COL4A3: variants seen among roughly 807,000 people sequenced by gnomAD.
COL4A3 encodes collagen type IV alpha 3 chain, also known as collagen alpha-3(IV) chain.
A neutral mutation model predicts 217.4 loss-of-function variants in COL4A3; 135 were observed. That is an observed-to-expected ratio of 0.62 (90% CI 0.54 to 0.72). The LOEUF is 0.72. Among genes scored for constraint, COL4A3 ranks in the 30% least tolerant of loss-of-function variants. The pLI, the probability that COL4A3 is intolerant of heterozygous loss-of-function variation, is 0.00. For missense variants in COL4A3, 1,868 were observed against 2,119.9 expected, an observed-to-expected ratio of 0.88 and a Z score of 2.33; for synonymous variants, 690 against 736.3, an observed-to-expected ratio of 0.94 and a Z score of 1.02.
chr2:227,196,387 G>A (rs1178293330), intron 1 of COL4A3, among the ~76,000 whole-genome samples: 2 of 150,878 alleles, frequency 1.3e-5, no homozygotes, highest in Non-Finnish European at 3.0e-5. Flanking sequence ...GTATGATCTC[G>A]GCTCACTGCA....
At chr2:227,206,795 G>A (rs1201078763) in intron 1 of COL4A3, among the ~76,000 whole-genome samples, 3 of 152,186 alleles carry the variant, frequency 2.0e-5, no homozygotes, top group African/African-American at 7.2e-5. Context: ...ACACTCGTAT[G>A]CAGGTTTACA....
chr2:227,235,795 T>TTTTTTAGC (rs1559852634), intron 1 of COL4A3, among the ~76,000 whole-genome samples: 1 of 138,002 alleles, frequency 7.2e-6, no homozygotes, highest in Non-Finnish European at 1.5e-5. Flanking sequence ...TTTTTTTTAA[T>TTTTTTAGC]GGAGTTTTGC....
chr2:227,245,722 C>T (rs932221728), intron 5 of COL4A3: 7 of 578,886 alleles, frequency 1.2e-5, no homozygotes, highest in South Asian at 6.1e-5. Context: ...GGATAAAAGG[C>T]GTTTGCTTTA....
chr2:227,199,852 A>G (rs948350030), intron 1 of COL4A3, among the ~76,000 whole-genome samples: 2 of 152,196 alleles, frequency 1.3e-5, no homozygotes, highest in African/African-American at 4.8e-5. Context: ...ACAAACAAAA[A>G]ACTAGTCCGA....
At chr2:227,310,451 G>A (rs1000968038) in intron 50 of COL4A3, among the ~76,000 whole-genome samples, 1 of 152,146 alleles carries the variant, frequency 6.6e-6, no homozygotes, top group Non-Finnish European at 1.5e-5. Flanking sequence ...TGAGTAGCTT[G>A]GACTACAGGC....
chr2:227,212,514 G>T (rs996563353), intron 1 of COL4A3, among the ~76,000 whole-genome samples: 6 of 152,128 alleles, frequency 3.9e-5, no homozygotes, highest in Non-Finnish European at 8.8e-5. Flanking sequence ...CTCTTTATCT[G>T]TCCTTTCCCC....
At chr2:227,311,064 C>CA in intron 51 of COL4A3, 116 bp downstream of exon 51, 3 of 1,047,056 alleles carry the variant, frequency 2.9e-6, no homozygotes, top group South Asian at 2.6e-5. Context: ...CCAATAAAGA[C>CA]AAAATATGGG....
At position 227,304,011 on chromosome 2, in the gene COL4A3, G is replaced by A. The variant is rs748674919; in HGVS notation, c.4028-8G>A. The A allele has an allele frequency of 1.2e-6, 2 of 1,614,200 alleles. No homozygotes were observed. The highest frequency in any genetic ancestry group is 8.5e-7 in the Non-Finnish European group (1 of 1,180,032). On this transcript the variant is annotated splice_region_variant and splice_polypyrimidine_tract_variant and intron_variant, in intron 45 of 51. Transcript: ENST00000396578. Reference sequence around the variant, plus strand: ...GCCATCATCTTCTTCTTATGTTTATGTCAACAGGTGTACGTGGAGACCCTG... The same window carrying A: ...GCCATCATCTTCTTCTTATGTTTATATCAACAGGTGTACGTGGAGACCCTG...
At chr2:227,295,659 T>C (rs901964765) in intron 41 of COL4A3, among the ~76,000 whole-genome samples, 1 of 152,216 alleles carries the variant, frequency 6.6e-6, no homozygotes, top group African/African-American at 2.4e-5. Context: ...AGTAAGCATC[T>C]GTCCCTGCTG....
Position 227,256,348 on chromosome 2 carries a change from C to G in COL4A3, c.939C>G (p.Val313=), listed in dbSNP as rs1299649553. The G allele has an allele frequency of 6.2e-7, 1 of 1,613,516 alleles. No homozygotes were observed. Among genetic ancestry groups the G allele is most frequent in the African/African-American group, 1.3e-5 (1 of 75,012 alleles). ...CTTTTTGTTCTTTTCTTTAGGGAGT[C>G]AAGGGCAACAGGGGTTTCCCTGGGT... ...GVPGFPGSEG[V]KGNRGFPGLM... is the part of the protein sequence containing the mutation. Residue 313 remains valine (V), a synonymous_variant, in exon 17 of 52, where the codon GTC becomes GTG. Coordinates refer to ENST00000396578, the MANE Select transcript of COL4A3 (RefSeq NM_000091.5).
At chr2:227,172,733 T>C (rs2065535752) in intron 1 of COL4A3, among the ~76,000 whole-genome samples, 3 of 152,002 alleles carry the variant, frequency 2.0e-5, no homozygotes, top group African/African-American at 7.2e-5. Context: ...ACTTCAGGCA[T>C]AGGCCACCAC....
At position 227,253,171 on chromosome 2, in the gene COL4A3, T is replaced by G; in HGVS notation, c.646-125T>G. The G allele has an allele frequency of 1.3e-6, 1 of 794,292 alleles. No individual in the cohort carries two copies. Among genetic ancestry groups the G allele is most frequent in the East Asian group, 2.7e-5 (1 of 37,360 alleles). The allele number at this position is 794,292 out of a possible 1,614,324, so 49.2% of individuals were successfully genotyped here. On this transcript the variant is annotated intron_variant, in intron 11 of 51. Transcript: ENST00000396578. This position sits in a 1 kb window ranked among gnomAD's most constrained non-coding sequence, Gnocchi z 4.4. ...TCTTCTCTAAGAAATAGCTAAAATATGTATCATTCTAAAATGAAAGTTAAA... is the reference window on the plus strand; with the variant it reads ...TCTTCTCTAAGAAATAGCTAAAATAGGTATCATTCTAAAATGAAAGTTAAA...
intron 43 of COL4A3, among the ~76,000 whole-genome samples, chr2:227,300,410 C>G (rs1445332073): frequency 6.6e-6 from 1 of 152,132 alleles, no homozygotes; most frequent in Non-Finnish European, 1.5e-5. Context: ...AGAACTTTTA[C>G]ATTTATCAAT....
chr2:227,293,395 A>G (rs2072871941), intron 38 of COL4A3, 78 bp downstream of exon 38: 2 of 1,517,364 alleles, frequency 1.3e-6, no homozygotes, highest in Admixed American at 3.8e-5. Flanking sequence ...TGTGGTAAAC[A>G]GAAAGCTATT....
intron 6 of COL4A3, among the ~76,000 whole-genome samples, chr2:227,246,439 T>G (rs1282263456): frequency 6.6e-6 from 1 of 152,190 alleles, no homozygotes; most frequent in Admixed American, 6.5e-5. Flanking sequence ...AAACAGCAAT[T>G]AAAAAGTTCT....
At chr2:227,248,616 A>G (rs904159142) in intron 9 of COL4A3, 96 bp downstream of exon 9, 17 of 805,342 alleles carry the variant, frequency 2.1e-5, no homozygotes, top group Non-Finnish European at 3.2e-5. Context: ...TTCCCCCATA[A>G]GTCCCTCTCA....
chr2:227,240,324 C>T, intron 3 of COL4A3, 92 bp downstream of exon 3: 2 of 1,231,046 alleles, frequency 1.6e-6, no homozygotes, highest in South Asian at 2.6e-5. Context: ...GAGAATTCCA[C>T]ATCTTAGCCA....
chr2:227,249,233 T>A (rs1216620549), intron 9 of COL4A3, among the ~76,000 whole-genome samples: 25 of 70,712 alleles, frequency 3.5e-4, no homozygotes, highest in Middle Eastern at 4.8e-3. Context: ...TATATATATT[T>A]TTTTTTTTTT....
intron 2 of COL4A3, 60 bp from the exon 3 acceptor site, chr2:227,240,083 G>A: frequency 1.6e-6 from 2 of 1,264,462 alleles, no homozygotes; most frequent in Non-Finnish European, 1.1e-6. Flanking sequence ...GGTTATTGGT[G>A]TGTTTATTGT....
Sources: gnomAD v4.1 joint callset for allele counts (sites outside exome capture counted in the v4.1 genomes callset) on GRCh38, gnomAD v4.1.1 for gene constraint, Gnocchi (gnomAD v3.1) non-coding constraint, MANE v1.5 for transcripts, NCBI Gene and HGNC (gene_info 2026-07-23, HGNC 2026-07-21) for gene names.